The following PRTFDC1 variants were observed in gnomAD, a reference collection of about 807,000 sequenced individuals.
PRTFDC1 encodes phosphoribosyl transferase domain containing 1, also known as phosphoribosyltransferase domain-containing protein 1.
Under a neutral mutation model 34.6 loss-of-function variants are expected in PRTFDC1, and 38 were observed. That is an observed-to-expected ratio of 1.10 (90% CI 0.85 to 1.44). PRTFDC1 has a LOEUF of 1.44. Among genes scored for constraint, PRTFDC1 ranks in the 40% most tolerant of loss-of-function variants. The pLI, the probability that PRTFDC1 is intolerant of heterozygous loss-of-function variation, is 0.00. For synonymous variants in PRTFDC1, 93 were observed against 98.1 expected (o/e 0.95, Z 0.31); for missense variants, 270 against 283.0 (o/e 0.95, Z 0.33).
At chr10:24,929,052 A>AAAAAAAAAAGAAAG (rs1554765607) in intron 3 of PRTFDC1, among the ~76,000 whole-genome samples, 2 of 116,508 alleles carry the variant, frequency 1.7e-5, no homozygotes, top group Admixed American at 9.3e-5. Context: ...AAAAAAAAAA[A>AAAAAAAAAAGAAAG]AAAGAAAGAA....
At chr10:24,910,229 A>G (rs1848606791) in intron 3 of PRTFDC1, among the ~76,000 whole-genome samples, 1 of 152,194 alleles carries the variant, frequency 6.6e-6, no homozygotes, top group African/African-American at 2.4e-5. Context: ...GCAAATTAAG[A>G]ACAATCAGAA....
chr10:24,924,127 C>T (rs1435564858), intron 3 of PRTFDC1, among the ~76,000 whole-genome samples: 1 of 152,182 alleles, frequency 6.6e-6, no homozygotes, highest in African/African-American at 2.4e-5. Context: ...GAAACGAACA[C>T]AGTCTCCAAG....
intron 4 of PRTFDC1, among the ~76,000 whole-genome samples, chr10:24,864,830 T>C (rs1239467154): frequency 6.6e-6 from 1 of 152,110 alleles, no homozygotes; most frequent in African/African-American, 2.4e-5. Flanking sequence ...ATATATAACA[T>C]GGAGGCTGGG....
At chr10:24,932,621 A>G (rs1184127413) in intron 3 of PRTFDC1, among the ~76,000 whole-genome samples, 1 of 152,042 alleles carries the variant, frequency 6.6e-6, no homozygotes, top group Non-Finnish European at 1.5e-5. Flanking sequence ...TGAAAACCAG[A>G]AAACACTGAA....
At chr10:24,937,979 C>T (rs1003764800) in intron 2 of PRTFDC1, among the ~76,000 whole-genome samples, 3 of 151,920 alleles carry the variant, frequency 2.0e-5, no homozygotes, top group Non-Finnish European at 2.9e-5. Context: ...AATCCCAGCA[C>T]TTTAAGAAAT....
At position 24,952,235 on chromosome 10, in the gene PRTFDC1, GC is replaced by G. The variant is rs1849356909; in HGVS notation, c.48+292del. On this transcript the variant is annotated intron_variant, in intron 1 of 8. Transcript: ENST00000320152. This position sits in a 1 kb window ranked among gnomAD's most constrained non-coding sequence, Gnocchi z 5.1. ...TCGCAGAAGCGACTCCCCGTGGCTC[GC>G]GGGGATGGGGACGGCTGGGCGCCGG... Among the ~76,000 whole-genome samples, 1 of 152,188 alleles carries G rather than the reference GC, an allele frequency of 6.6e-6. No homozygotes were observed. The highest frequency in any genetic ancestry group is 2.4e-5 in the African/African-American group (1 of 41,450).
At position 24,901,064 on chromosome 10, in the gene PRTFDC1, C is replaced by G. The variant is rs113555319; in HGVS notation, c.340-29001G>C. ...GCATCGGAAATGTGTCTAGTTTTCT[C>G]GAATTTTTCAGAATCATATGCTTCA... is the stretch of plus-strand genomic sequence containing the variant. On this transcript the variant is annotated intron_variant, in intron 3 of 8. Coordinates refer to ENST00000320152, the MANE Select transcript of PRTFDC1 (RefSeq NM_020200.7). 8.5e-4 allele frequency among the ~76,000 whole-genome samples: 129 copies of G among 152,256 alleles called. 4 individuals carry two copies. The highest frequency in any genetic ancestry group is 3.0e-3 in the African/African-American group (125 of 41,550).
chr10:24,946,441 G>A (rs73606596), intron 1 of PRTFDC1, among the ~76,000 whole-genome samples: 3,967 of 152,102 alleles, frequency 0.026, 142 homozygotes, highest in African/African-American at 0.088. Flanking sequence ...GCCAAAAATA[G>A]GAAAAAAATG....
intron 3 of PRTFDC1, among the ~76,000 whole-genome samples, chr10:24,878,178 T>A (rs1198994846): frequency 6.6e-6 from 1 of 151,290 alleles, no homozygotes. Context: ...GAGGCTGAGG[T>A]GGGAGAATCG....
At chr10:24,874,593 T>G (rs569091295) in intron 3 of PRTFDC1, among the ~76,000 whole-genome samples, 1 of 152,282 alleles carries the variant, frequency 6.6e-6, no homozygotes, top group East Asian at 1.9e-4. Flanking sequence ...ATTCTACTAT[T>G]TTCATCTTCA....
In PRTFDC1 at chr10:24,856,973, G is replaced by A; in HGVS notation, c.446C>T (p.Thr149Ile). ...TATATTGCTGAGTAGTGCTTTCATGGTCCTCCCAGTTCCGACAACATCCTT... is the reference window on the plus strand; with the variant it reads ...TATATTGCTGAGTAGTGCTTTCATGATCCTCCCAGTTCCGACAACATCCTT... ...IVEDVVGTGR[T>I]MKALLSNIEK... Residue 149 changes from threonine (T) to isoleucine (I), a missense_variant, in exon 6 of 9, where the codon ACC (threonine) becomes ATC (isoleucine). Coordinates refer to ENST00000320152, the MANE Select transcript of PRTFDC1 (RefSeq NM_020200.7). The A allele has an allele frequency of 6.2e-7, 1 of 1,613,644 alleles. No individual in the cohort carries two copies. Among genetic ancestry groups the A allele is most frequent in the Non-Finnish European group, 8.5e-7 (1 of 1,179,576 alleles).
intron 1 of PRTFDC1, among the ~76,000 whole-genome samples, chr10:24,943,872 C>T (rs1431917899): frequency 1.3e-5 from 2 of 152,064 alleles, no homozygotes; most frequent in Non-Finnish European, 2.9e-5. Context: ...ATTCTTTACT[C>T]ACTCCTGCAC....
rs1291874323 is a variant in PRTFDC1, at chr10:24,952,030, A to G, written c.48+498T>C. ...CAGAGAGCCCCCAACCTGGGTACCA[A>G]AGGCTTCAAATCTCAAGCTCTGTCC... On this transcript the variant is annotated intron_variant, in intron 1 of 8. Coordinates refer to ENST00000320152, the MANE Select transcript of PRTFDC1 (RefSeq NM_020200.7). This position sits in a 1 kb window ranked among gnomAD's most constrained non-coding sequence, Gnocchi z 5.1. Among the ~76,000 whole-genome samples, 1 of 152,200 alleles carries G rather than the reference A, an allele frequency of 6.6e-6. No homozygotes were observed. Among genetic ancestry groups the G allele is most frequent in the African/African-American group, 2.4e-5 (1 of 41,452 alleles).
chr10:24,877,703 C>T (rs1847990651), intron 3 of PRTFDC1, among the ~76,000 whole-genome samples: 2 of 152,112 alleles, frequency 1.3e-5, no homozygotes, highest in African/African-American at 4.8e-5. Context: ...TCACTGCAAC[C>T]TCCACCTCCC....
At chr10:24,951,507 C>T (rs916615738) in intron 1 of PRTFDC1, 14 of 955,314 alleles carry the variant, frequency 1.5e-5, no homozygotes, top group Non-Finnish European at 1.7e-5. Flanking sequence ...TCAACCTGAC[C>T]CTTCTGTCTG....
chr10:24,914,181 T>C (rs1393383429), intron 3 of PRTFDC1, among the ~76,000 whole-genome samples: 1 of 152,194 alleles, frequency 6.6e-6, no homozygotes, highest in Non-Finnish European at 1.5e-5. Flanking sequence ...TAGTTAATCA[T>C]AGCCACAAGT....
intron 3 of PRTFDC1, among the ~76,000 whole-genome samples, chr10:24,902,087 C>T (rs1265099846): frequency 6.6e-6 from 1 of 152,146 alleles, no homozygotes; most frequent in Non-Finnish European, 1.5e-5. Context: ...GCAGTGAAAA[C>T]TGCTGCAGCA....
rs140302094 is a variant in PRTFDC1 at position 24,852,402 on chromosome 10, C to T, written c.554-938G>A. The stretch of plus-strand genomic sequence containing the variant: ...TCTTGACCTCAAGTGATCCATCCGC[C>T]TCAGTCTCCCAAAGTGCTGGGATTA... On this transcript the variant is annotated intron_variant, in intron 7 of 8. Coordinates refer to ENST00000320152, the MANE Select transcript of PRTFDC1 (RefSeq NM_020200.7). Among the ~76,000 whole-genome samples the T allele has an allele frequency of 1.5e-4, 23 of 152,286 alleles. 1 individual carries two copies. In the East Asian group the frequency reaches 4.5e-3, roughly 30 times the overall value.
chr10:24,910,258 A>AT (rs2132567034), intron 3 of PRTFDC1, among the ~76,000 whole-genome samples: 1 of 152,358 alleles, frequency 6.6e-6, no homozygotes, highest in African/African-American at 2.4e-5. Context: ...GCTCACACAT[A>AT]TTTTAAGAAC....
Sources: allele counts gnomAD v4.1 joint callset (sites outside exome capture counted in the v4.1 genomes callset), GRCh38; gene constraint gnomAD v4.1.1; non-coding constraint Gnocchi (gnomAD v3.1); transcripts MANE v1.5; gene names NCBI Gene and HGNC (gene_info 2026-07-23, HGNC 2026-07-21).